DTNA: variants seen among roughly 807,000 people sequenced by gnomAD.
The protein encoded by DTNA is dystrobrevin alpha.
Under a neutral mutation model 100.7 loss-of-function variants are expected in DTNA, and 43 were observed. The ratio of observed to expected loss-of-function variants is 0.43; its 90% confidence interval spans 0.33 to 0.55. DTNA has a LOEUF of 0.55. Ranked by LOEUF, DTNA falls within the 20% of genes least tolerant of loss-of-function variation. The probability of loss-of-function intolerance (pLI) is 0.04; values close to 1 mark genes in which losing one functional copy is unlikely to be tolerated. For synonymous variants in DTNA, 349 were observed against 347.9 expected, an observed-to-expected ratio of 1.00 and a Z score of -0.04; for missense variants, 798 against 953.9, an observed-to-expected ratio of 0.84 and a Z score of 2.15.
At chr18:34,833,888 C>G (rs529169520) in intron 11 of DTNA, among the ~76,000 whole-genome samples, 1 of 152,298 alleles carries the variant, frequency 6.6e-6, no homozygotes, top group East Asian at 1.9e-4. Flanking sequence ...ACAGAAGCAG[C>G]TTTAATGAAG....
intron 17 of DTNA, chr18:34,867,908 A>T (rs1477474829): frequency 9.1e-6 from 9 of 985,302 alleles, no homozygotes; most frequent in Non-Finnish European, 1.1e-5. Flanking sequence ...ACCAGGGCCC[A>T]CGTCACCCAG....
chr18:34,685,489 T>G (rs1224165246), intron 1 of DTNA, among the ~76,000 whole-genome samples: 7 of 152,188 alleles, frequency 4.6e-5, no homozygotes, highest in Non-Finnish European at 1.0e-4. Flanking sequence ...TTCTGTTCCA[T>G]TGGTCTATAT....
chr18:34,711,099 C>CA (rs1275599788), intron 1 of DTNA, among the ~76,000 whole-genome samples: 5 of 152,074 alleles, frequency 3.3e-5, no homozygotes, highest in African/African-American at 1.2e-4. Flanking sequence ...GTAAATACAA[C>CA]ATGGGTGAGT....
chr18:34,663,842 A>G (rs1242869451), intron 1 of DTNA, among the ~76,000 whole-genome samples: 1 of 152,210 alleles, frequency 6.6e-6, no homozygotes, highest in Non-Finnish European at 1.5e-5. Context: ...GACATTAACA[A>G]AAGTAATTTT....
At chr18:34,864,137 A>G in intron 17 of DTNA, 75 bp downstream of exon 17, 1 of 1,365,772 alleles carries the variant, frequency 7.3e-7, no homozygotes, top group Non-Finnish European at 1.0e-6. Flanking sequence ...ATAATGTGCA[A>G]TGGTTTTTCC....
In DTNA at chr18:34,532,576, T is replaced by C. The variant is rs551493567; in HGVS notation, c.-2+39062T>C. Among the ~76,000 whole-genome samples, 302 of 152,124 alleles carry C rather than the reference T, an allele frequency of 2.0e-3. 2 individuals carry two copies. Among genetic ancestry groups the C allele is most frequent in the African/African-American group, 7.0e-3 (290 of 41,536 alleles). ...CACTTAACACCCGGAAGGAAGTCTT[T>C]GTTCTTATACTCTTGTCCCTAGTCC... On this transcript the variant is annotated intron_variant, in intron 1 of 19. Transcript: ENST00000283365.
chr18:34,610,115 G>C (rs2053936939), intron 1 of DTNA, among the ~76,000 whole-genome samples: 1 of 152,066 alleles, frequency 6.6e-6, no homozygotes, highest in Non-Finnish European at 1.5e-5. Context: ...TGCATCAGAG[G>C]AATCTAGACA....
At chr18:34,649,633 G>GA (rs1055208687) in intron 1 of DTNA, among the ~76,000 whole-genome samples, 7 of 152,108 alleles carry the variant, frequency 4.6e-5, no homozygotes, top group African/African-American at 1.7e-4. Flanking sequence ...GATTTCTACA[G>GA]AAAAAACTTT....
chr18:34,610,320 A>G (rs1367696143), intron 1 of DTNA, among the ~76,000 whole-genome samples: 1 of 152,168 alleles, frequency 6.6e-6, no homozygotes, highest in Non-Finnish European at 1.5e-5. Context: ...CTCTCATGGA[A>G]ATCTTTTGAC....
At chr18:34,820,117 C>T (rs975781790) in intron 8 of DTNA, among the ~76,000 whole-genome samples, 12 of 151,800 alleles carry the variant, frequency 7.9e-5, no homozygotes, top group East Asian at 3.9e-4. Context: ...GAAGAGGCAG[C>T]GTGATTCTCT....
intron 1 of DTNA, among the ~76,000 whole-genome samples, chr18:34,618,700 T>A (rs1407504483): frequency 6.6e-6 from 1 of 152,192 alleles, no homozygotes; most frequent in East Asian, 1.9e-4. Context: ...AAGAAAACAA[T>A]TACTTGCAAT....
chr18:34,797,587 T>C (rs1331596149), intron 4 of DTNA, among the ~76,000 whole-genome samples: 3 of 152,208 alleles, frequency 2.0e-5, no homozygotes, highest in Non-Finnish European at 4.4e-5. Context: ...GAAAACTCTT[T>C]GAAGTCTTCA....
At chr18:34,802,760 T>G (rs916285998) in intron 4 of DTNA, among the ~76,000 whole-genome samples, 1 of 152,198 alleles carries the variant, frequency 6.6e-6, no homozygotes, top group Non-Finnish European at 1.5e-5. Flanking sequence ...TTCAGAAACA[T>G]AATTTTTTTG....
chr18:34,582,185 G>A (rs867661246), intron 1 of DTNA, among the ~76,000 whole-genome samples: 2 of 152,026 alleles, frequency 1.3e-5, no homozygotes, highest in South Asian at 4.2e-4. Context: ...TATCTGAAAG[G>A]GCCTTGCACT....
chr18:34,590,015 C>G (rs184655619), intron 1 of DTNA, among the ~76,000 whole-genome samples: 2 of 152,268 alleles, frequency 1.3e-5, no homozygotes, highest in East Asian at 3.9e-4. Flanking sequence ...TCATTGAACA[C>G]TTTGGTTGTT....
intron 1 of DTNA, among the ~76,000 whole-genome samples, chr18:34,605,991 TA>T (rs1042605230): frequency 6.6e-6 from 1 of 152,130 alleles, no homozygotes; most frequent in African/African-American, 2.4e-5. Context: ...CCTATAGTGT[TA>T]AAAAACAATT....
chr18:34,580,196 A>G (rs9955339), intron 1 of DTNA, among the ~76,000 whole-genome samples: 15,652 of 151,986 alleles, frequency 0.1, 1,169 homozygotes, highest in African/African-American at 0.21. Context: ...TATCTATTGA[A>G]ATTTCCCAAT....
chr18:34,838,139 T>C lies in DTNA; in HGVS notation c.1221T>C (p.Ala407=). 1 of 1,613,932 alleles carries C rather than the reference T, an allele frequency of 6.2e-7. No homozygotes were observed. The highest frequency in any genetic ancestry group is 8.5e-7 in the Non-Finnish European group (1 of 1,179,846). ...AAGTAGAGCAGAACAAACTGCTGGCTAGGGCTGCTCCAGCTTTTCTGAAGG... is the reference window on the plus strand; with the variant it reads ...AAGTAGAGCAGAACAAACTGCTGGCCAGGGCTGCTCCAGCTTTTCTGAAGG... ...DSEVEQNKLL[A]RAAPAFLKGK... Residue 407 remains alanine (A), a synonymous_variant, in exon 12 of 23, where the codon GCT becomes GCC. Transcript: ENST00000444659.
At chr18:34,622,162 G>C (rs1373018798) in intron 1 of DTNA, among the ~76,000 whole-genome samples, 1 of 152,132 alleles carries the variant, frequency 6.6e-6, no homozygotes, top group South Asian at 2.1e-4. Flanking sequence ...AAAACCATAA[G>C]TATGTGAGGC....
Sources: allele counts gnomAD v4.1 joint callset (sites outside exome capture counted in the v4.1 genomes callset), GRCh38; gene constraint gnomAD v4.1.1; transcripts MANE v1.5; gene names NCBI Gene and HGNC (gene_info 2026-07-23, HGNC 2026-07-21).